The following ITGA2B variants were observed in gnomAD, a reference collection of about 807,000 sequenced individuals.
ITGA2B encodes the protein integrin alpha-IIb.
A neutral mutation model predicts 142.0 loss-of-function variants in ITGA2B; 91 were observed. The ratio of observed to expected loss-of-function variants is 0.64; its 90% CI spans 0.54 to 0.76. ITGA2B has a LOEUF of 0.76. Among genes scored for constraint, ITGA2B ranks in the 30% least tolerant of loss-of-function variants. The pLI is 0.00. For missense variants in ITGA2B, 1,231 were observed against 1,350.8 expected, an observed-to-expected ratio of 0.91 and a Z score of 1.39; for synonymous variants, 536 against 567.2, an observed-to-expected ratio of 0.94 and a Z score of 0.78.
Position 44,380,079 on chromosome 17 carries a change from G to A in ITGA2B, c.1675C>T (p.Gln559Ter). ...TCCAGGTTCAGGGTGGTGCCTGCCT[G>A]TTGAGAGCCCAGCAGCAGCACCCGC... Reference protein sequence around the residue: ...GRRVLLLGSQQAGTTLNLDLG... With the variant: ...GRRVLLLGSQ Residue 559 changes from glutamine to a stop codon, truncating the protein, a stop_gained, in exon 17 of 30, where the codon CAG becomes TAG. Coordinates refer to ENST00000262407, the MANE Select transcript of ITGA2B (RefSeq NM_000419.5). LOFTEE classifies it high-confidence loss of function. 1 of 1,614,044 alleles carries A rather than the reference G, an allele frequency of 6.2e-7. No individual in the cohort carries two copies. The highest frequency in any genetic ancestry group is 8.5e-7 in the Non-Finnish European group (1 of 1,180,024).
In ITGA2B at chr17:44,375,867, T is replaced by A. The variant is rs745482194; in HGVS notation, c.2567A>T (p.Gln856Leu). Residue 856 changes from glutamine to leucine, a missense_variant, in exon 25 of 30, where the codon CAG (glutamine) becomes CTG (leucine). Coordinates refer to ENST00000262407, the MANE Select transcript of ITGA2B (RefSeq NM_000419.5). ...GTTGACAGGAGGCTGTGGGAAGCAC[T>A]GAAGGCCCCCCTGGGGCTGTATATC... is the stretch of plus-strand genomic sequence containing the variant. ...ILDIQPQGGL[Q>L]CFPQPPVNPL... 6.3e-7 allele frequency: 1 copy of A among 1,599,066 alleles called. No individual in the cohort carries two copies.
rs980395817 is a variant in ITGA2B, at chr17:44,387,826, CAAAAAAAAA to C, written c.188+1451_188+1459del. 3.3e-4 allele frequency among the ~76,000 whole-genome samples: 8 copies of C among 24,578 alleles called. No individual in the cohort carries two copies. In the East Asian group the frequency reaches 8.7e-3, roughly 27 times the overall value. The allele number at this position is 24,578 out of a possible 152,430, so 16.1% of individuals were successfully genotyped here. A position where few individuals can be genotyped will look rare whatever the true frequency, so the allele number is the denominator to read the frequency against. On this transcript the variant is annotated intron_variant, in intron 1 of 29. Coordinates refer to ENST00000262407, the MANE Select transcript of ITGA2B (RefSeq NM_000419.5). ...GGGCAACAAGAGCGAAACCCCATCT[CAAAAAAAAA>C]AAAAAAAAAAAAAAAAAAAGAAGAA...
In ITGA2B at chr17:44,372,374, T is replaced by A. The variant is rs774585072; in HGVS notation, c.3110A>T (p.Glu1037Val). ...NRPPLEEDDE[E>V]GE ...GTGTAGGCTGCACCATCACTCCCCC[T>A]CTTCATCATCTTCTTCCAGGGGTGG... The change falls in exon 30 of 30, where the codon GAG becomes GTG. Residue 1037 changes from glutamate to valine, a missense_variant. Physicochemically the swap from Glu to Val is moderately radical, Grantham distance 121. This residue lies in a region of ITGA2B where 908 missense variants were observed against 1,021.1 expected (regional missense o/e 0.89). Coordinates refer to ENST00000262407, the MANE Select transcript of ITGA2B (RefSeq NM_000419.5). The A allele has an allele frequency of 6.2e-7, 1 of 1,614,022 alleles. No individual in the cohort carries two copies. Among genetic ancestry groups the A allele is most frequent in the East Asian group, 2.2e-5 (1 of 44,862 alleles).
At chr17:44,382,912 G>T (rs998307910) in intron 12 of ITGA2B, among the ~76,000 whole-genome samples, 1 of 151,984 alleles carries the variant, frequency 6.6e-6, no homozygotes, top group African/African-American at 2.4e-5. Flanking sequence ...TGCTCCCTAG[G>T]GCTCTATCCT....
At chr17:44,384,221 A>G in intron 9 of ITGA2B, 83 bp from the exon 10 acceptor site, 2 of 671,532 alleles carry the variant, frequency 3.0e-6, no homozygotes, top group Admixed American at 2.3e-5. Flanking sequence ...GGTTTGGTGG[A>G]GGCGGGGCGG....
Position 44,385,194 on chromosome 17 carries a change from G to C in ITGA2B, c.640C>G (p.Leu214Val). The change falls in exon 6 of 30, where the codon CTT (leucine) becomes GTT (valine). Residue 214 changes from leucine to valine, a missense_variant. Leu to Val is a conservative substitution (Grantham distance 32, BLOSUM62 1). Around this residue, in one of 3 missense-constraint regions of ITGA2B, gnomAD observed 318 missense variants for 312.2 expected, o/e 1.02. Transcript: ENST00000262407. ...SVVTQAGELV[L>V]GAPGGYYFLG... ...AAATAATAGCCGCCAGGAGCCCCAA[G>C]CACCAGCTCTCCGGCCTGGAAGGGA... 1 of 1,614,092 alleles carries C rather than the reference G, an allele frequency of 6.2e-7. No individual in the cohort carries two copies. The highest frequency in any genetic ancestry group is 8.5e-7 in the Non-Finnish European group (1 of 1,180,008).
At position 44,383,537 on chromosome 17, in the gene ITGA2B, G is replaced by T; in HGVS notation, c.1166C>A (p.Ser389Tyr). 6.2e-7 allele frequency: 1 copy of T among 1,611,536 alleles called. No individual in the cohort carries two copies. The highest frequency in any genetic ancestry group is 1.1e-5 in the South Asian group (1 of 90,832). Residue 389 changes from serine (S) to tyrosine (Y), a missense_variant, in exon 12 of 30, where the codon TCT becomes TAT. Around this residue, in one of 3 missense-constraint regions of ITGA2B, gnomAD observed 908 missense variants for 1,021.1 expected, o/e 0.89. Coordinates refer to ENST00000262407, the MANE Select transcript of ITGA2B (RefSeq NM_000419.5). ...GAGGTCGCCCAGGGGTGCGATGGCAGAGCCGAATCGCCCATAGAGCTGTGT... is the reference window on the plus strand; with the variant it reads ...GAGGTCGCCCAGGGGTGCGATGGCATAGCCGAATCGCCCATAGAGCTGTGT... ...TGTQLYGRFG[S>Y]AIAPLGDLDR...
At position 44,375,108 on chromosome 17, in the gene ITGA2B, A is replaced by G; in HGVS notation, c.2731T>C (p.Cys911Arg). 1 of 1,548,840 alleles carries G rather than the reference A, an allele frequency of 6.5e-7. No homozygotes were observed. Among genetic ancestry groups the G allele is most frequent in the Non-Finnish European group, 8.7e-7 (1 of 1,146,642 alleles). The change falls in exon 27 of 30, where the codon TGC becomes CGC. Residue 911 changes from cysteine (C) to arginine (R), a missense_variant. Coordinates refer to ENST00000262407, the MANE Select transcript of ITGA2B (RefSeq NM_000419.5). ...SRLQDPVLVS[C>R]DSAPCTVVQC... Reference sequence around the variant, plus strand: ...ACCACAGTACAGGGCGCCGAGTCGCAGCTCTGAGGGGAAGCATCGTCAGTC... The same window carrying G: ...ACCACAGTACAGGGCGCCGAGTCGCGGCTCTGAGGGGAAGCATCGTCAGTC...
intron 25 of ITGA2B, 37 bp from the exon 26 acceptor site, chr17:44,375,753 C>A (rs753984058): frequency 2.6e-6 from 4 of 1,558,284 alleles, no homozygotes; most frequent in Non-Finnish European, 3.5e-6. Context: ...CCAGGTCTCC[C>A]CCGAACCCCA....
intron 19 of ITGA2B, 49 bp from the exon 20 acceptor site, chr17:44,378,558 A>G: frequency 5.0e-6 from 8 of 1,609,240 alleles, no homozygotes; most frequent in Non-Finnish European, 6.8e-6. Flanking sequence ...TGGGCCCAGG[A>G]TGTGGGAAAA....
rs778105649 is a variant in ITGA2B at position 44,377,074 on chromosome 17, C to T, written c.2202G>A (p.Met734Ile). The stretch of plus-strand genomic sequence containing the variant: ...CTTCCAGATTCCCCACGCTCACCAA[C>T]ATCGCGATTCCTATCTGGGAGATGA... ...MKKNAQIGIA[M>I]LVSVGNLEEA... The change falls in exon 22 of 30, where the codon ATG becomes ATA. Residue 734 changes from methionine to isoleucine, a missense_variant. Met to Ile is a conservative substitution (Grantham distance 10, BLOSUM62 1). Coordinates refer to ENST00000262407, the MANE Select transcript of ITGA2B (RefSeq NM_000419.5). 1.9e-6 allele frequency: 3 copies of T among 1,581,062 alleles called. No individual in the cohort carries two copies. In the East Asian group the frequency reaches 6.9e-5, roughly 36 times the overall value.
At position 44,380,452 on chromosome 17, in the gene ITGA2B, AC is replaced by A. The variant is rs1346226492; in HGVS notation, c.1477del (p.Val493CysfsTer5). On this transcript the variant is annotated frameshift_variant, in exon 15 of 30. Coordinates refer to ENST00000262407, the MANE Select transcript of ITGA2B (RefSeq NM_000419.5). LOFTEE classifies it high-confidence loss of function. ...CACAGCAGGATTCAGTGAATCTTGC[AC>A]CAGTAGCTGGACAGAGGCCTTCACC... is the stretch of plus-strand genomic sequence containing the variant. ...PVVKASVQLLVQDSLNPAVKS... is the reference protein window; with the variant it reads ...PVVKASVQLLXQDSLNPAVKS... 6.2e-7 allele frequency: 1 copy of A among 1,614,146 alleles called. No individual in the cohort carries two copies. The highest frequency in any genetic ancestry group is 1.7e-5 in the Admixed American group (1 of 60,020).
chr17:44,377,483 C>T (rs1403917778), intron 21 of ITGA2B, among the ~76,000 whole-genome samples: 4 of 152,114 alleles, frequency 2.6e-5, no homozygotes, highest in South Asian at 4.2e-4. Context: ...CGTGAGCCAC[C>T]GCACCAGGCC....
chr17:44,379,823 G>A lies in ITGA2B; in HGVS notation c.1753-9C>T. 3.7e-6 allele frequency: 6 copies of A among 1,613,840 alleles called. No individual in the cohort carries two copies. The highest frequency in any genetic ancestry group is 5.1e-6 in the Non-Finnish European group (6 of 1,179,978). On this transcript the variant is annotated splice_polypyrimidine_tract_variant and intron_variant, in intron 17 of 29. Coordinates refer to ENST00000262407, the MANE Select transcript of ITGA2B (RefSeq NM_000419.5). ...CGGAAGTCTGCCTCATCCTAGGACA[G>A]GGGCAAGAGTCAGGCCATCTTGCTA...
At chr17:44,376,764 C>A (rs2048547937) in intron 22 of ITGA2B, among the ~76,000 whole-genome samples, 1 of 152,164 alleles carries the variant, frequency 6.6e-6, no homozygotes, top group East Asian at 1.9e-4. Flanking sequence ...AGGTGCGCAC[C>A]ACCATGCCCA....
rs2048680529 is a variant in ITGA2B, at chr17:44,389,526, C to G, written c.-53G>C. 1.3e-6 allele frequency: 2 copies of G among 1,576,552 alleles called. No homozygotes were observed. Among genetic ancestry groups the G allele is most frequent in the Admixed American group, 3.4e-5 (2 of 58,494 alleles). On this transcript the variant is annotated 5_prime_UTR_variant, in exon 1 of 30. Transcript: ENST00000262407. ...GGAATGGGCCAGCTCCTCCTCCTTC[C>G]CTTCAGATTCCTCCACAGGAAGTCT...
chr17:44,373,146 TTTC>T (rs1405268036), intron 29 of ITGA2B, among the ~76,000 whole-genome samples: 1 of 133,980 alleles, frequency 7.5e-6, no homozygotes, highest in African/African-American at 4.1e-5. Flanking sequence ...ACCTGGAATT[TTTC>T]TTTTCTTTTC....
Position 44,374,678 on chromosome 17 carries a change from A to G in ITGA2B, c.2924T>C (p.Leu975Pro). 3 of 1,613,890 alleles carry G rather than the reference A, an allele frequency of 1.9e-6. No individual in the cohort carries two copies. Among genetic ancestry groups the G allele is most frequent in the Non-Finnish European group, 2.5e-6 (3 of 1,179,860 alleles). The change falls in exon 28 of 30, where the codon CTG becomes CCG. Residue 975 changes from leucine to proline, a missense_variant. Transcript: ENST00000262407. ...ACTCACCTGAGCTTCCCCTCGGGGCAGGCTGAGCGGGGGCACCGCATAGGG... is the reference window on the plus strand; with the variant it reads ...ACTCACCTGAGCTTCCCCTCGGGGCGGGCTGAGCGGGGGCACCGCATAGGG... ...SLPYAVPPLS[L>P]PRGEAQVWTQ...
At chr17:44,372,498 C>T in intron 29 of ITGA2B, 75 bp from the exon 30 acceptor site, 4 of 1,373,476 alleles carry the variant, frequency 2.9e-6, no homozygotes, top group Non-Finnish European at 4.1e-6. Context: ...AGGAAGTATG[C>T]TAGCTATGAG....
Sources: allele counts gnomAD v4.1 joint callset (sites outside exome capture counted in the v4.1 genomes callset), GRCh38; gene constraint gnomAD v4.1.1; regional missense constraint gnomAD v4.1.1; transcripts MANE v1.5; gene names NCBI Gene and HGNC (gene_info 2026-07-23, HGNC 2026-07-21).